Variants in VAT1L observed in about 807,000 individuals in gnomAD.
VAT1L encodes the protein vesicle amine transport 1 like.
A neutral mutation model predicts 44.1 loss-of-function variants in VAT1L; 34 were observed. That is an observed-to-expected ratio of 0.77 (90% CI 0.59 to 1.03). VAT1L has a LOEUF of 1.03. Among genes scored for constraint, VAT1L ranks in the 50% least tolerant of loss-of-function variants. The probability of loss-of-function intolerance (pLI) is 0.00; values close to 1 mark genes in which losing one functional copy is unlikely to be tolerated. For missense variants in VAT1L, 615 were observed against 538.8 expected, an observed-to-expected ratio of 1.14 and a Z score of -1.40; for synonymous variants, 253 against 202.2, an observed-to-expected ratio of 1.25 and a Z score of -2.13.
In VAT1L at chr16:77,809,993, AT is replaced by A. The variant is rs139067223; in HGVS notation, c.234-6920del. On this transcript the variant is annotated intron_variant, in intron 1 of 8. Transcript: ENST00000302536. Reference sequence around the variant, plus strand: ...GCTACAAATCCAGGAGGGAGAATTAATTTTTTTTGATGAAAGAATTAGAATT... The same window carrying A: ...GCTACAAATCCAGGAGGGAGAATTAATTTTTTTGATGAAAGAATTAGAATT... Among the ~76,000 whole-genome samples, 967 of 152,136 alleles carry A rather than the reference AT, an allele frequency of 6.4e-3. 8 individuals carry two copies. The highest frequency in any genetic ancestry group is 0.031 in the Middle Eastern group (9 of 294).
chr16:77,893,471 G>A (rs1046585456), intron 7 of VAT1L, among the ~76,000 whole-genome samples: 7 of 152,214 alleles, frequency 4.6e-5, no homozygotes, highest in African/African-American at 1.7e-4. Flanking sequence ...TTAGATGTGA[G>A]TTTGGTTTAA....
chr16:77,855,289 G>A (rs570236528), intron 3 of VAT1L, among the ~76,000 whole-genome samples: 47 of 151,096 alleles, frequency 3.1e-4, no homozygotes, highest in Middle Eastern at 6.8e-3. Flanking sequence ...ACGGTGAGCC[G>A]AGATCGTGCC....
At chr16:77,817,368 G>A (rs114025385) in intron 2 of VAT1L, among the ~76,000 whole-genome samples, 1,659 of 152,206 alleles carry the variant, frequency 0.011, 25 homozygotes, top group African/African-American at 0.029. Context: ...TCCCATATCC[G>A]GAACTCTCAT....
rs535413054 is a variant in VAT1L, at chr16:77,964,522, G to T, written c.1078-7328G>T. Among the ~76,000 whole-genome samples, 5 of 152,072 alleles carry T rather than the reference G, an allele frequency of 3.3e-5. No individual in the cohort carries two copies. The East Asian group carries it at 9.7e-4, about 29-fold the overall frequency. The stretch of plus-strand genomic sequence containing the variant: ...CTGCCTTCCTCTTGCAAGAATCGTT[G>T]TGGTTCCATGGGGCCCCCAGATAAT... On this transcript the variant is annotated intron_variant, in intron 7 of 8. Coordinates refer to ENST00000302536, the MANE Select transcript of VAT1L (RefSeq NM_020927.3).
chr16:77,945,278 C>CTTTTTTTT lies in VAT1L; in HGVS notation c.1078-26563_1078-26556dup, dbSNP rs56055464. ...GAATGGCCAATTCCAGATTGCAGAA[C>CTTTTTTTT]TTTTTTTTTTTTTTTTGAGAGAGAG... On this transcript the variant is annotated intron_variant, in intron 7 of 8. Transcript: ENST00000302536. Among the ~76,000 whole-genome samples, 818 of 83,028 alleles carry CTTTTTTTT rather than the reference C, an allele frequency of 9.9e-3. 104 individuals are homozygous for CTTTTTTTT. Among genetic ancestry groups the CTTTTTTTT allele is most frequent in the African/African-American group, 0.031 (727 of 23,226 alleles). 54.5% of individuals were successfully genotyped at this position (83,028 alleles called of 152,430 possible).
chr16:77,951,101 T>C (rs1322024114), intron 7 of VAT1L, among the ~76,000 whole-genome samples: 2 of 152,040 alleles, frequency 1.3e-5, no homozygotes, highest in Admixed American at 1.3e-4. Context: ...CTGAAGGAAA[T>C]ACAGAGAATG....
chr16:77,842,622 G>A (rs1020151652), intron 3 of VAT1L, among the ~76,000 whole-genome samples: 2 of 152,184 alleles, frequency 1.3e-5, no homozygotes, highest in Non-Finnish European at 2.9e-5. Flanking sequence ...AATCGGGTAT[G>A]GCCAAAGCCA....
chr16:77,867,439 AT>A (rs1299550986), intron 4 of VAT1L, among the ~76,000 whole-genome samples: 3 of 152,166 alleles, frequency 2.0e-5, no homozygotes, highest in Non-Finnish European at 4.4e-5. Flanking sequence ...TGGGTACACA[AT>A]ATCATCTCAG....
At chr16:77,821,624 T>G (rs534402999) in intron 2 of VAT1L, among the ~76,000 whole-genome samples, 2 of 152,134 alleles carry the variant, frequency 1.3e-5, no homozygotes, top group Admixed American at 1.3e-4. Flanking sequence ...TACAACTGTG[T>G]GGTCTTGGGC....
intron 4 of VAT1L, among the ~76,000 whole-genome samples, chr16:77,863,657 A>G (rs886209943): frequency 6.6e-6 from 1 of 152,142 alleles, no homozygotes; most frequent in African/African-American, 2.4e-5. Context: ...ATACTGAGGA[A>G]TGCAAGAGCC....
chr16:77,889,607 C>A (rs1110749), intron 7 of VAT1L, among the ~76,000 whole-genome samples: 76,585 of 152,070 alleles, frequency 0.5, 21,666 homozygotes, highest in Middle Eastern at 0.63. Flanking sequence ...TGCTATATGA[C>A]AATCCTATTT....
intron 1 of VAT1L, among the ~76,000 whole-genome samples, chr16:77,793,198 A>T (rs537126428): frequency 1.3e-5 from 2 of 152,118 alleles, no homozygotes. Context: ...TGCCACCTTG[A>T]TCTCCCTGGC....
At chr16:77,929,260 T>C (rs1349934360) in intron 7 of VAT1L, among the ~76,000 whole-genome samples, 1 of 152,190 alleles carries the variant, frequency 6.6e-6, no homozygotes, top group Admixed American at 6.5e-5. Context: ...CTAGACTTAG[T>C]ACTGCCTGAA....
chr16:77,800,935 TCTC>T (rs2016037295), intron 1 of VAT1L: 1 of 152,216 alleles, frequency 6.6e-6, no homozygotes, highest in Admixed American at 6.5e-5. Flanking sequence ...TTCAAGCAAT[TCTC>T]CTGCCTCAGC....
chr16:77,798,434 GA>G (rs1225341911), intron 1 of VAT1L, among the ~76,000 whole-genome samples: 2 of 152,218 alleles, frequency 1.3e-5, no homozygotes. Flanking sequence ...CTGTAATATG[GA>G]TGGGGTAAAA....
intron 2 of VAT1L, among the ~76,000 whole-genome samples, chr16:77,822,518 C>A (rs1324748944): frequency 6.6e-6 from 1 of 152,052 alleles, no homozygotes; most frequent in Non-Finnish European, 1.5e-5. Context: ...AATCTAGGGT[C>A]ATTTAGGGGC....
At chr16:77,945,093 A>C (rs2017943408) in intron 7 of VAT1L, among the ~76,000 whole-genome samples, 1 of 152,144 alleles carries the variant, frequency 6.6e-6, no homozygotes, top group South Asian at 2.1e-4. Context: ...CTTAAGTCAC[A>C]GGCCATTCAG....
intron 1 of VAT1L, among the ~76,000 whole-genome samples, chr16:77,809,588 G>GAA (rs534705124): frequency 4.2e-4 from 64 of 152,202 alleles, no homozygotes; most frequent in African/African-American, 1.5e-3. Flanking sequence ...TGCACTTTCA[G>GAA]AAAAAATAAA....
rs4888699 is a variant in VAT1L, at chr16:77,944,965, A to G, written c.1078-26885A>G. 5.9e-3 allele frequency among the ~76,000 whole-genome samples: 894 copies of G among 152,278 alleles called. 15 individuals carry two copies. The highest frequency in any genetic ancestry group is 0.032 in the Admixed American group (490 of 15,292). On this transcript the variant is annotated intron_variant, in intron 7 of 8. Coordinates refer to ENST00000302536, the MANE Select transcript of VAT1L (RefSeq NM_020927.3). ...ACACTCTTCCAAGCTGTCTTCATCC[A>G]TGGGATAATTTCTTTAAAGCCTGCA...
Sources: allele counts gnomAD v4.1 joint callset (sites outside exome capture counted in the v4.1 genomes callset), GRCh38; gene constraint gnomAD v4.1.1; transcripts MANE v1.5; gene names NCBI Gene and HGNC (gene_info 2026-07-23, HGNC 2026-07-21).